The following EPHB2 variants were observed in gnomAD, a reference collection of about 807,000 sequenced individuals.
EPHB2 encodes EPH receptor B2.
In EPHB2, 18 loss-of-function variants were observed where a neutral mutation model predicts 96.4. The observed-to-expected ratio is 0.19, with a 90% CI of 0.13 to 0.28. The LOEUF is 0.28. Ranked by LOEUF, EPHB2 falls within the 10% of genes least tolerant of loss-of-function variation. The pLI, the probability that EPHB2 is intolerant of heterozygous loss-of-function variation, is 1.00. For synonymous variants in EPHB2, 506 were observed against 534.1 expected (o/e 0.95, Z 0.72); for missense variants, 989 against 1,355.4 (o/e 0.73, Z 4.25).
intron 13 of EPHB2, among the ~76,000 whole-genome samples, 177 bp downstream of exon 13, chr1:22,909,348 G>C (rs1640017939): frequency 6.6e-6 from 1 of 152,338 alleles, no homozygotes; most frequent in South Asian, 2.1e-4. Flanking sequence ...TGTCTGCACA[G>C]GACTCTGGAC....
chr1:22,819,683 G>T (rs1044920098), intron 3 of EPHB2, among the ~76,000 whole-genome samples: 4 of 152,088 alleles, frequency 2.6e-5, no homozygotes, highest in African/African-American at 9.7e-5. Context: ...AAATCACCAG[G>T]CCTCCCCAGC....
At chr1:22,776,306 G>A (rs921640387) in intron 1 of EPHB2, among the ~76,000 whole-genome samples, 1 of 152,186 alleles carries the variant, frequency 6.6e-6, no homozygotes, top group African/African-American at 2.4e-5. Context: ...CCTCCATGCA[G>A]GCGTCACGTT....
chr1:22,765,563 A>C (rs1010820095), intron 1 of EPHB2, among the ~76,000 whole-genome samples: 1 of 149,496 alleles, frequency 6.7e-6, no homozygotes, highest in African/African-American at 2.5e-5. Flanking sequence ...AAAAAAAAAA[A>C]CATTGAGTTC....
intron 1 of EPHB2, among the ~76,000 whole-genome samples, chr1:22,763,326 C>CTAA (rs765664899): frequency 6.6e-6 from 1 of 152,154 alleles, no homozygotes; most frequent in South Asian, 2.1e-4. Context: ...GTGGAAAACA[C>CTAA]TAAATCCATG....
intron 1 of EPHB2, among the ~76,000 whole-genome samples, chr1:22,715,762 G>A (rs565348017): frequency 6.6e-6 from 1 of 152,288 alleles, no homozygotes; most frequent in South Asian, 2.1e-4. Flanking sequence ...TGGGGAACGG[G>A]GCCAGCTGAC....
At chr1:22,783,113 G>A (rs540384273) in intron 2 of EPHB2, among the ~76,000 whole-genome samples, 1 of 152,326 alleles carries the variant, frequency 6.6e-6, no homozygotes, top group South Asian at 2.1e-4. Flanking sequence ...GACTCCTAGG[G>A]CACACTTGGT....
intron 3 of EPHB2, among the ~76,000 whole-genome samples, chr1:22,855,192 A>C (rs1172486892): frequency 6.6e-6 from 1 of 152,228 alleles, no homozygotes; most frequent in East Asian, 1.9e-4. Context: ...CAGAGTGGGC[A>C]GGAAGTAGCC....
rs140968426 is a variant in EPHB2 at position 22,763,405 on chromosome 1, C to T, written c.62-18016C>T. On this transcript the variant is annotated intron_variant, in intron 1 of 15. Coordinates refer to ENST00000374630, the MANE Select transcript of EPHB2 (RefSeq NM_017449.5). ...CCTCCAGGACAGAAACTTGCTGGGC[C>T]CACCAGGGCCCAGTCACACAGGACC... Among the ~76,000 whole-genome samples the T allele has an allele frequency of 8.0e-4, 122 of 152,228 alleles. 1 individual carries two copies. Among genetic ancestry groups the T allele is most frequent in the Middle Eastern group, 3.4e-3 (1 of 294 alleles).
intron 3 of EPHB2, among the ~76,000 whole-genome samples, chr1:22,853,412 A>G (rs1346337379): frequency 3.9e-5 from 6 of 152,224 alleles, no homozygotes; most frequent in African/African-American, 1.2e-4. Flanking sequence ...GTTACCCACC[A>G]TCACTGTCAC....
At chr1:22,873,561 AG>A (rs1265344468) in intron 5 of EPHB2, among the ~76,000 whole-genome samples, 1 of 150,724 alleles carries the variant, frequency 6.6e-6, no homozygotes, top group African/African-American at 2.4e-5. Flanking sequence ...GTGTAGATAC[AG>A]GGGGGTGATT....
chr1:22,730,932 G>A (rs1643695366), intron 1 of EPHB2, among the ~76,000 whole-genome samples: 1 of 152,120 alleles, frequency 6.6e-6, no homozygotes, highest in African/African-American at 2.4e-5. Context: ...ACAGAGTCCA[G>A]GCACGAGACG....
At chr1:22,840,757 G>A (rs1428327876) in intron 3 of EPHB2, among the ~76,000 whole-genome samples, 4 of 152,070 alleles carry the variant, frequency 2.6e-5, no homozygotes, top group African/African-American at 4.8e-5. Flanking sequence ...CACCATGCCC[G>A]GCTCCCCAAG....
chr1:22,865,169 C>G lies in EPHB2; in HGVS notation c.1260C>G (p.Phe420Leu), dbSNP rs1394974857. 1 of 1,614,224 alleles carries G rather than the reference C, an allele frequency of 6.2e-7. No homozygotes were observed. The highest frequency in any genetic ancestry group is 1.1e-5 in the South Asian group (1 of 91,086). Residue 420 changes from phenylalanine to leucine, a missense_variant, in exon 5 of 16, where the codon TTC (phenylalanine) becomes TTG (leucine). Phe to Leu is a conservative substitution (Grantham distance 22). Coordinates refer to ENST00000374630, the MANE Select transcript of EPHB2 (RefSeq NM_017449.5). ...ACGGCGTTACTGACCAGAGCCCCTT[C>G]TCGCCTCAGTTCGCCTCTGTGAACA... Reference protein sequence around the residue: ...AVNGVTDQSPFSPQFASVNIT... With the variant: ...AVNGVTDQSPLSPQFASVNIT...
At chr1:22,827,998 C>T (rs560586374) in intron 3 of EPHB2, among the ~76,000 whole-genome samples, 1 of 152,344 alleles carries the variant, frequency 6.6e-6, no homozygotes, top group South Asian at 2.1e-4. Context: ...TGTGTCCACA[C>T]AGCCACACAC....
In EPHB2 at chr1:22,880,579, T is replaced by C. The variant is rs148828846; in HGVS notation, c.1304-1780T>C. 2.0e-5 allele frequency among the ~76,000 whole-genome samples: 3 copies of C among 152,360 alleles called. No homozygotes were observed. In the East Asian group the frequency reaches 5.8e-4, roughly 29 times the overall value. On this transcript the variant is annotated intron_variant, in intron 5 of 15. Coordinates refer to ENST00000374630, the MANE Select transcript of EPHB2 (RefSeq NM_017449.5). Reference sequence around the variant, plus strand: ...CACACCACGGGTGTGGGGACCACATTGAGAGTCCCTCTCTGGCCAGTCCCA... The same window carrying C: ...CACACCACGGGTGTGGGGACCACATCGAGAGTCCCTCTCTGGCCAGTCCCA...
intron 1 of EPHB2, among the ~76,000 whole-genome samples, chr1:22,764,592 G>A (rs1644280835): frequency 2.6e-5 from 4 of 151,968 alleles, no homozygotes; most frequent in South Asian, 2.1e-4. Context: ...CTAAAAATAC[G>A]AAAATTACCT....
At chr1:22,767,395 A>C (rs1483083194) in intron 1 of EPHB2, among the ~76,000 whole-genome samples, 2 of 152,216 alleles carry the variant, frequency 1.3e-5, no homozygotes, top group Non-Finnish European at 2.9e-5. Context: ...CACACAGCCC[A>C]GAAATCAAAG....
intron 1 of EPHB2, among the ~76,000 whole-genome samples, chr1:22,738,070 T>TA (rs938870405): frequency 9.2e-5 from 14 of 151,980 alleles, no homozygotes; most frequent in Admixed American, 2.0e-4. Context: ...CATTTAAAGA[T>TA]AAAAAAAATA....
At chr1:22,781,907 A>C (rs1244550801) in intron 2 of EPHB2, among the ~76,000 whole-genome samples, 1 of 152,218 alleles carries the variant, frequency 6.6e-6, no homozygotes, top group Non-Finnish European at 1.5e-5. Context: ...ACCGAGGCTC[A>C]GAAAGGTGTA....
Sources: gnomAD v4.1 joint callset for allele counts (sites outside exome capture counted in the v4.1 genomes callset) on GRCh38, gnomAD v4.1.1 for gene constraint, MANE v1.5 for transcripts, NCBI Gene and HGNC (gene_info 2026-07-23, HGNC 2026-07-21) for gene names.